Variants in TMEM132D observed in about 807,000 individuals in gnomAD.
TMEM132D encodes the protein mature OL transmembrane protein.
In TMEM132D, 21 loss-of-function variants were observed where a neutral mutation model predicts 62.3. The observed-to-expected ratio is 0.34, with a 90% CI of 0.24 to 0.49. TMEM132D has a LOEUF of 0.49. TMEM132D is among the 20% of genes least tolerant of loss of function. The probability of loss-of-function intolerance (pLI) is 0.99; values close to 1 mark genes in which losing one functional copy is unlikely to be tolerated. For synonymous variants in TMEM132D, 621 were observed against 575.6 expected (o/e 1.08, Z -1.13); for missense variants, 1,346 against 1,402.8 (o/e 0.96, Z 0.65).
At chr12:129,815,999 C>T (rs1872332084) in intron 1 of TMEM132D, among the ~76,000 whole-genome samples, 1 of 152,186 alleles carries the variant, frequency 6.6e-6, no homozygotes, top group Non-Finnish European at 1.5e-5. Flanking sequence ...TTTTGTTTTT[C>T]CTCCCTTCCT....
At chr12:129,698,530 AGAGGG>A (rs1308667490) in intron 2 of TMEM132D, among the ~76,000 whole-genome samples, 2 of 63,556 alleles carry the variant, frequency 3.1e-5, no homozygotes, top group Admixed American at 1.8e-4. Context: ...AGGGGAGGGG[AGAGGG>A]GAAGGGAGGG....
chr12:129,121,258 G>A (rs145859459), intron 5 of TMEM132D, among the ~76,000 whole-genome samples: 1,884 of 152,076 alleles, frequency 0.012, 67 homozygotes, highest in East Asian at 0.12. Context: ...ACCATGCCTG[G>A]CTAATTTTTG....
At chr12:129,375,980 C>A (rs1422779085) in intron 3 of TMEM132D, among the ~76,000 whole-genome samples, 1 of 152,210 alleles carries the variant, frequency 6.6e-6, no homozygotes, top group East Asian at 1.9e-4. Flanking sequence ...ATCTTACAAG[C>A]ACCCAGAGTT....
At chr12:129,358,918 G>A (rs1870159060) in intron 3 of TMEM132D, among the ~76,000 whole-genome samples, 1 of 151,746 alleles carries the variant, frequency 6.6e-6, no homozygotes, top group Admixed American at 6.6e-5. Flanking sequence ...GATTGAGGAA[G>A]GAGATGCTGT....
chr12:129,472,200 C>T (rs572358647), intron 3 of TMEM132D, among the ~76,000 whole-genome samples: 1 of 152,324 alleles, frequency 6.6e-6, no homozygotes, highest in South Asian at 2.1e-4. Context: ...CAATACCTGG[C>T]TTCAAAGCTT....
At chr12:129,628,918 CTA>C (rs771177766) in intron 2 of TMEM132D, among the ~76,000 whole-genome samples, 12 of 151,390 alleles carry the variant, frequency 7.9e-5, no homozygotes, top group Non-Finnish European at 1.6e-4. Context: ...TCCTTCATTT[CTA>C]TCTCTCTTTC....
At chr12:129,581,900 C>A (rs1877874239) in intron 2 of TMEM132D, among the ~76,000 whole-genome samples, 1 of 152,200 alleles carries the variant, frequency 6.6e-6, no homozygotes, top group South Asian at 2.1e-4. Context: ...CTTTATAACA[C>A]ACGCAGACTG....
intron 2 of TMEM132D, among the ~76,000 whole-genome samples, chr12:129,568,975 C>A (rs990198188): frequency 6.6e-6 from 1 of 152,120 alleles, no homozygotes; most frequent in Non-Finnish European, 1.5e-5. Context: ...GGGCCCCATA[C>A]CTGAGGTTTC....
At chr12:129,851,299 CA>C (rs1873532761) in intron 1 of TMEM132D, among the ~76,000 whole-genome samples, 1 of 152,192 alleles carries the variant, frequency 6.6e-6, no homozygotes, top group Admixed American at 6.5e-5. Flanking sequence ...TTGCTTTTCA[CA>C]TTTAGAATTT....
intron 5 of TMEM132D, among the ~76,000 whole-genome samples, chr12:129,125,770 A>G (rs1165195676): frequency 1.3e-5 from 2 of 151,904 alleles, no homozygotes; most frequent in Non-Finnish European, 2.9e-5. Flanking sequence ...CCCAAAGCGC[A>G]CTGTGAACAT....
rs965765978 is a variant in TMEM132D, at chr12:129,073,597, C to T, written c.*278G>A. On this transcript the variant is annotated 3_prime_UTR_variant, in exon 9 of 9. Transcript: ENST00000422113. ...GAGGCTGTTCTTTCCTGGACGCTCT[C>T]AGACGCTCAGTGATTCAGAACTCGT... 2.8e-6 allele frequency: 1 copy of T among 351,958 alleles called. No individual in the cohort carries two copies. The highest frequency in any genetic ancestry group is 5.1e-6 in the Non-Finnish European group (1 of 195,456). 21.8% of individuals were successfully genotyped at this position (351,958 alleles called of 1,614,324 possible).
In TMEM132D at chr12:129,903,411, C is replaced by T. The variant is rs186008637; in HGVS notation, c.-72G>A. 1.3e-6 allele frequency: 2 copies of T among 1,486,918 alleles called. No homozygotes were observed. Among genetic ancestry groups the T allele is most frequent in the African/African-American group, 2.8e-5 (2 of 71,420 alleles). The allele number at this position is 1,486,918 out of a possible 1,614,324, so 92.1% of individuals were successfully genotyped here. The stretch of plus-strand genomic sequence containing the variant: ...GCGAACAAGAGACCGTCTCAGTCCC[C>T]TAGAGGCCCGCAGCGGGGCCGGTGG... On this transcript the variant is annotated 5_prime_UTR_variant, in exon 1 of 9. Transcript: ENST00000422113. The surrounding 1 kb of genome is among the most constrained non-coding windows in gnomAD (Gnocchi z 6.2).
At chr12:129,524,953 G>A (rs1177333523) in intron 3 of TMEM132D, among the ~76,000 whole-genome samples, 1 of 101,940 alleles carries the variant, frequency 9.8e-6, no homozygotes, top group Non-Finnish European at 1.8e-5. Context: ...TTGAGACGGA[G>A]TCTCGCTCTG....
chr12:129,226,361 AC>A (rs1295337791), intron 4 of TMEM132D, among the ~76,000 whole-genome samples: 1 of 152,190 alleles, frequency 6.6e-6, no homozygotes, highest in Non-Finnish European at 1.5e-5. Context: ...ATGCACACCT[AC>A]CTATGCATGT....
chr12:129,573,043 T>C (rs1877561962), intron 2 of TMEM132D, among the ~76,000 whole-genome samples: 1 of 152,126 alleles, frequency 6.6e-6, no homozygotes, highest in Admixed American at 6.5e-5. Context: ...TCATATGCTA[T>C]ACAAATAAAA....
chr12:129,829,173 C>T (rs1872754844), intron 1 of TMEM132D, among the ~76,000 whole-genome samples: 1 of 151,952 alleles, frequency 6.6e-6, no homozygotes, highest in Non-Finnish European at 1.5e-5. Context: ...ATTCCTATAA[C>T]AAACCAGTGG....
chr12:129,188,801 A>AGAG (rs1878300809), intron 5 of TMEM132D, among the ~76,000 whole-genome samples: 64 of 116,422 alleles, frequency 5.5e-4, no homozygotes, highest in African/African-American at 2.0e-3. Flanking sequence ...GAGAGAGAGA[A>AGAG]AGAGAGAGAT....
chr12:129,611,340 G>A (rs1878769331), intron 2 of TMEM132D, among the ~76,000 whole-genome samples: 1 of 152,184 alleles, frequency 6.6e-6, no homozygotes, highest in Non-Finnish European at 1.5e-5. Context: ...CCCTCAGTTT[G>A]CATGCGGATT....
At chr12:129,642,362 G>A (rs1330862470) in intron 2 of TMEM132D, among the ~76,000 whole-genome samples, 1 of 152,242 alleles carries the variant, frequency 6.6e-6, no homozygotes, top group Non-Finnish European at 1.5e-5. Flanking sequence ...ACAGAGCCTG[G>A]TCTGGGTCCA....
Sources: allele counts gnomAD v4.1 joint callset (sites outside exome capture counted in the v4.1 genomes callset), GRCh38; gene constraint gnomAD v4.1.1; non-coding constraint Gnocchi (gnomAD v3.1); transcripts MANE v1.5; gene names NCBI Gene and HGNC (gene_info 2026-07-23, HGNC 2026-07-21).